AKT3: variants seen among roughly 807,000 people sequenced by gnomAD.
AKT3 encodes the protein AKT serine/threonine kinase 3, also known as RAC-gamma serine/threonine-protein kinase.
A neutral mutation model predicts 65.3 loss-of-function variants in AKT3; 15 were observed. The ratio of observed to expected loss-of-function variants is 0.23; its 90% CI spans 0.15 to 0.35. The LOEUF (loss-of-function observed/expected upper bound fraction) is 0.35. Ranked by LOEUF, AKT3 falls within the 10% of genes least tolerant of loss-of-function variation. AKT3 has a pLI of 1.00. For missense variants in AKT3, 243 were observed against 576.5 expected, an observed-to-expected ratio of 0.42 and a Z score of 5.92; for synonymous variants, 206 against 183.8, an observed-to-expected ratio of 1.12 and a Z score of -0.98.
intron 12 of AKT3, among the ~76,000 whole-genome samples, chr1:243,525,272 A>C (rs1670970105): frequency 1.3e-5 from 2 of 152,276 alleles, no homozygotes; most frequent in South Asian, 4.1e-4. Context: ...TAAGAAAATA[A>C]AAAATTCAGT....
chr1:243,783,172 A>T (rs964562807), intron 2 of AKT3, among the ~76,000 whole-genome samples: 2 of 151,922 alleles, frequency 1.3e-5, no homozygotes, highest in African/African-American at 4.8e-5. Flanking sequence ...GGGTCCCTAG[A>T]TCGGTTCAGG....
Position 243,530,024 on chromosome 1 carries a change from T to G in AKT3, c.1251+15486A>C, listed in dbSNP as rs1272402217. Among the ~76,000 whole-genome samples, 6 of 152,308 alleles carry G rather than the reference T, an allele frequency of 3.9e-5. No homozygotes were observed. The South Asian group carries it at 1.2e-3, about 32-fold the overall frequency. ...TGTAAAGATCTTTCACTTCCCTGGTTAGCTGTATTCCTAGGTATTTTATTC... is the reference window on the plus strand; with the variant it reads ...TGTAAAGATCTTTCACTTCCCTGGTGAGCTGTATTCCTAGGTATTTTATTC... On this transcript the variant is annotated intron_variant, in intron 12 of 13. Coordinates refer to ENST00000673466, the MANE Select transcript of AKT3 (RefSeq NM_005465.7).
chr1:243,615,937 G>C (rs2148609578), intron 6 of AKT3, among the ~76,000 whole-genome samples: 1 of 151,948 alleles, frequency 6.6e-6, no homozygotes, highest in African/African-American at 2.4e-5. Context: ...ATAGGGTCTT[G>C]CTATGTTGCC....
intron 12 of AKT3, among the ~76,000 whole-genome samples, chr1:243,530,680 A>C (rs888191809): frequency 6.6e-6 from 1 of 152,206 alleles, no homozygotes; most frequent in African/African-American, 2.4e-5. Context: ...ATCAGAGCGG[A>C]ATTGAAGGAA....
chr1:243,736,435 A>G (rs1029301742), intron 2 of AKT3, among the ~76,000 whole-genome samples: 6 of 152,188 alleles, frequency 3.9e-5, no homozygotes, highest in African/African-American at 1.2e-4. Flanking sequence ...GCCCACTGTT[A>G]ATGGAATTTA....
rs764831538 is a variant in AKT3 at position 243,796,857 on chromosome 1, C to T, written c.46+46268G>A. Among the ~76,000 whole-genome samples the T allele has an allele frequency of 1.7e-4, 26 of 152,158 alleles. 1 individual carries two copies. Among genetic ancestry groups the T allele is most frequent in the South Asian group, 4.1e-4 (2 of 4,820 alleles). On this transcript the variant is annotated intron_variant, in intron 2 of 13. Transcript: ENST00000673466. ...GCATGGATGAACCTGGAAAACACTA[C>T]GCTAAGTGAAATAAGCCAGTCACAC...
chr1:243,537,853 C>CT (rs573913792), intron 12 of AKT3, among the ~76,000 whole-genome samples: 4 of 152,102 alleles, frequency 2.6e-5, no homozygotes, highest in African/African-American at 4.8e-5. Context: ...CTTGTTACTA[C>CT]TTTTTTTTCT....
intron 4 of AKT3, among the ~76,000 whole-genome samples, chr1:243,660,387 G>A (rs1054156948): frequency 1.3e-5 from 2 of 152,108 alleles, no homozygotes. Flanking sequence ...TCATCCCTGG[G>A]ATGCAAGGCT....
intron 8 of AKT3, among the ~76,000 whole-genome samples, chr1:243,597,978 A>C (rs975296574): frequency 6.6e-6 from 1 of 152,214 alleles, no homozygotes; most frequent in Non-Finnish European, 1.5e-5. Context: ...AATAGAAAAA[A>C]ATTATTCAAA....
At chr1:243,674,415 G>T (rs183900134) in intron 3 of AKT3, among the ~76,000 whole-genome samples, 1 of 152,160 alleles carries the variant, frequency 6.6e-6, no homozygotes, top group East Asian at 1.9e-4. Flanking sequence ...AACGCAATAT[G>T]AAGTACACAG....
chr1:243,675,614 C>G (rs923376409), intron 3 of AKT3, among the ~76,000 whole-genome samples: 1 of 152,216 alleles, frequency 6.6e-6, no homozygotes, highest in Non-Finnish European at 1.5e-5. Context: ...ACAAGGCTGG[C>G]CTTTGTTACC....
intron 12 of AKT3, among the ~76,000 whole-genome samples, chr1:243,528,355 G>A (rs958443992): frequency 1.3e-5 from 2 of 152,070 alleles, no homozygotes; most frequent in South Asian, 4.1e-4. Flanking sequence ...TGGCACACAC[G>A]TAGGTTTGTT....
Position 243,504,934 on chromosome 1 carries a change from A to G in AKT3, c.*315T>C. ...TCAAAAGATGATAATTGGTGCACAA[A>G]TGAACAATGGTGGGCTCATGACTTC... is the stretch of plus-strand genomic sequence containing the variant. On this transcript the variant is annotated 3_prime_UTR_variant, in exon 14 of 14. Transcript: ENST00000673466. 1 of 324,904 alleles carries G rather than the reference A, an allele frequency of 3.1e-6. No individual in the cohort carries two copies. 20.1% of individuals were successfully genotyped at this position (324,904 alleles called of 1,614,324 possible).
At chr1:243,577,546 C>T (rs1675030189) in intron 8 of AKT3, among the ~76,000 whole-genome samples, 1 of 152,056 alleles carries the variant, frequency 6.6e-6, no homozygotes, top group Non-Finnish European at 1.5e-5. Context: ...AAAATTAACT[C>T]AAGATTGATT....
At position 243,500,664 on chromosome 1, in the gene AKT3, T is replaced by C. The variant is rs1290764751; in HGVS notation, c.*4585A>G. The C allele has an allele frequency of 4.4e-5, 10 of 229,866 alleles. No homozygotes were observed. Among genetic ancestry groups the C allele is most frequent in the Non-Finnish European group, 8.6e-5 (10 of 116,078 alleles). 14.2% of individuals were successfully genotyped at this position (229,866 alleles called of 1,614,324 possible). ...TTAGGACAGGTCCCTGACCTTCGGC[T>C]GCCCTGCCTGGCCAGCGAGCCATCA... On this transcript the variant is annotated 3_prime_UTR_variant, in exon 14 of 14. Transcript: ENST00000673466.
At chr1:243,772,623 G>A (rs1690260581) in intron 2 of AKT3, among the ~76,000 whole-genome samples, 1 of 152,220 alleles carries the variant, frequency 6.6e-6, no homozygotes, top group Non-Finnish European at 1.5e-5. Context: ...GTGGAAGACA[G>A]TGTGGCGATT....
chr1:243,497,425 A>G (rs555278086), downstream of AKT3, among the ~76,000 whole-genome samples: 18 of 152,154 alleles, frequency 1.2e-4, no homozygotes, highest in African/African-American at 4.3e-4. Context: ...ACCGCAGGAA[A>G]TACAAAGCCC....
chr1:243,568,858 G>C (rs1264114984), intron 9 of AKT3, among the ~76,000 whole-genome samples: 1 of 152,150 alleles, frequency 6.6e-6, no homozygotes, highest in African/African-American at 2.4e-5. Context: ...CCTGTTTGTA[G>C]CACCCAGTCT....
At chr1:243,707,152 T>G (rs1685853092) in intron 2 of AKT3, among the ~76,000 whole-genome samples, 1 of 152,190 alleles carries the variant, frequency 6.6e-6, no homozygotes, top group African/African-American at 2.4e-5. Flanking sequence ...AGAGTAAGGC[T>G]AAGGAAACCA....
Sources: allele counts gnomAD v4.1 joint callset (sites outside exome capture counted in the v4.1 genomes callset), GRCh38; gene constraint gnomAD v4.1.1; transcripts MANE v1.5; gene names NCBI Gene and HGNC (gene_info 2026-07-23, HGNC 2026-07-21).